Variants in GMDS observed in about 807,000 individuals in gnomAD.
GMDS encodes GDP-mannose 4,6 dehydratase.
In GMDS, 20 loss-of-function variants were observed where a neutral mutation model predicts 49.9. The observed-to-expected ratio is 0.40, with a 90% CI of 0.28 to 0.58. The LOEUF (loss-of-function observed/expected upper bound fraction) is 0.58, where lower values mean the gene tolerates loss of function less well. GMDS is among the 20% of genes least tolerant of loss of function. The probability of loss-of-function intolerance (pLI) is 0.42; values close to 1 mark genes in which losing one functional copy is unlikely to be tolerated. For synonymous variants in GMDS, 177 were observed against 178.6 expected, an observed-to-expected ratio of 0.99 and a Z score of 0.07; for missense variants, 362 against 481.4, an observed-to-expected ratio of 0.75 and a Z score of 2.32.
At chr6:1,779,759 T>C (rs979909696) in intron 7 of GMDS, among the ~76,000 whole-genome samples, 1 of 152,218 alleles carries the variant, frequency 6.6e-6, no homozygotes, top group African/African-American at 2.4e-5. Context: ...ACTGACCAAA[T>C]TCAATTTCTT....
chr6:1,993,501 G>A (rs758126970), intron 4 of GMDS, among the ~76,000 whole-genome samples: 2 of 152,134 alleles, frequency 1.3e-5, no homozygotes, highest in African/African-American at 2.4e-5. Context: ...AACCTCTGCC[G>A]AAGGCAGCTG....
At chr6:1,853,316 A>C (rs1333711615) in intron 7 of GMDS, among the ~76,000 whole-genome samples, 1 of 151,474 alleles carries the variant, frequency 6.6e-6, no homozygotes, top group Non-Finnish European at 1.5e-5. Flanking sequence ...CAGGAGATCG[A>C]GACCATCCTG....
At chr6:1,908,823 T>C (rs1436774569) in intron 7 of GMDS, among the ~76,000 whole-genome samples, 1 of 152,216 alleles carries the variant, frequency 6.6e-6, no homozygotes, top group African/African-American at 2.4e-5. Flanking sequence ...AGCTAAAGAT[T>C]AGAGCAGAAA....
intron 6 of GMDS, among the ~76,000 whole-genome samples, chr6:1,933,837 G>A (rs1370867685): frequency 2.6e-5 from 4 of 152,170 alleles, no homozygotes; most frequent in South Asian, 4.2e-4. Context: ...TCACTTTCTT[G>A]GTTGTGCTCT....
At chr6:1,932,754 G>A (rs1762354314) in intron 6 of GMDS, among the ~76,000 whole-genome samples, 1 of 151,954 alleles carries the variant, frequency 6.6e-6, no homozygotes, top group African/African-American at 2.4e-5. Flanking sequence ...TAGTCAGGAT[G>A]GTCTCGATCT....
At chr6:2,151,399 T>C (rs1776837024) in intron 1 of GMDS, among the ~76,000 whole-genome samples, 3 of 152,064 alleles carry the variant, frequency 2.0e-5, no homozygotes, top group Non-Finnish European at 2.9e-5. Context: ...AAAATAATTA[T>C]CTCATGTAAA....
intron 9 of GMDS, among the ~76,000 whole-genome samples, chr6:1,724,047 G>A (rs1440175034): frequency 2.0e-5 from 3 of 152,200 alleles, no homozygotes; most frequent in Non-Finnish European, 4.4e-5. Context: ...TTGTTGTTCT[G>A]AGGAATGAGG....
chr6:1,695,923 CTTTTTTT>C (rs71753891), intron 9 of GMDS, among the ~76,000 whole-genome samples: 1 of 105,106 alleles, frequency 9.5e-6, no homozygotes, highest in African/African-American at 3.7e-5. Flanking sequence ...TTTTTTTTTT[CTTTTTTT>C]TTTTTTTTAA....
chr6:2,146,054 C>T (rs544371860), intron 1 of GMDS, among the ~76,000 whole-genome samples: 13 of 152,282 alleles, frequency 8.5e-5, no homozygotes, highest in East Asian at 1.9e-4. Context: ...ATGAAAGATC[C>T]TGAGTTTTCA....
At chr6:1,956,842 C>T (rs1043150568) in intron 6 of GMDS, among the ~76,000 whole-genome samples, 8 of 150,506 alleles carry the variant, frequency 5.3e-5, no homozygotes, top group Non-Finnish European at 1.0e-4. Flanking sequence ...GATGGAGTCT[C>T]GCACTGTCGC....
intron 7 of GMDS, among the ~76,000 whole-genome samples, chr6:1,864,667 C>T (rs1263850802): frequency 2.0e-5 from 3 of 152,156 alleles, no homozygotes; most frequent in Non-Finnish European, 4.4e-5. Context: ...TGAACCTTGA[C>T]CTTTTTAACA....
At chr6:2,234,084 C>T (rs1317192573) in intron 1 of GMDS, among the ~76,000 whole-genome samples, 1 of 152,168 alleles carries the variant, frequency 6.6e-6, no homozygotes, top group Non-Finnish European at 1.5e-5. Context: ...TTTACACAAA[C>T]TGAATGTCAT....
At chr6:2,228,625 C>A (rs1239733815) in intron 1 of GMDS, among the ~76,000 whole-genome samples, 1 of 152,174 alleles carries the variant, frequency 6.6e-6, no homozygotes, top group African/African-American at 2.4e-5. Context: ...TGGAAATCAG[C>A]TATTTAAACT....
At chr6:1,860,973 C>T (rs1758156020) in intron 7 of GMDS, among the ~76,000 whole-genome samples, 1 of 152,354 alleles carries the variant, frequency 6.6e-6, no homozygotes, top group Non-Finnish European at 1.5e-5. Flanking sequence ...CTCTCACTCA[C>T]ATGCCCTTGG....
intron 7 of GMDS, among the ~76,000 whole-genome samples, chr6:1,793,368 T>A (rs1769614821): frequency 6.6e-6 from 1 of 152,178 alleles, no homozygotes; most frequent in African/African-American, 2.4e-5. Flanking sequence ...TCAGAACAGT[T>A]TACAAGAAAT....
chr6:1,953,106 T>A (rs1429219590), intron 6 of GMDS, among the ~76,000 whole-genome samples: 1 of 152,156 alleles, frequency 6.6e-6, no homozygotes, highest in African/African-American at 2.4e-5. Context: ...ACTGATCTCC[T>A]GCGGAAAGCA....
chr6:1,630,306 C>T (rs947898047), intron 9 of GMDS, among the ~76,000 whole-genome samples: 13 of 152,326 alleles, frequency 8.5e-5, no homozygotes, highest in East Asian at 1.9e-4. Flanking sequence ...CTCCATGGGA[C>T]GAACCGCATG....
intron 7 of GMDS, among the ~76,000 whole-genome samples, chr6:1,895,002 A>G (rs1760079490): frequency 6.6e-6 from 1 of 152,158 alleles, no homozygotes; most frequent in Non-Finnish European, 1.5e-5. Context: ...AACCGGTTGG[A>G]TATCTTCTAG....
intron 1 of GMDS, among the ~76,000 whole-genome samples, chr6:2,224,267 C>T (rs1016084738): frequency 1.3e-5 from 2 of 152,114 alleles, no homozygotes; most frequent in South Asian, 2.1e-4. Context: ...ACTGACAGCC[C>T]GTTGTGGAAC....
Sources: gnomAD v4.1 joint callset for allele counts (sites outside exome capture counted in the v4.1 genomes callset) on GRCh38, gnomAD v4.1.1 for gene constraint, MANE v1.5 for transcripts, NCBI Gene and HGNC (gene_info 2026-07-23, HGNC 2026-07-21) for gene names.